The following KCNQ5 variants were observed in gnomAD, a reference collection of about 807,000 sequenced individuals.
KCNQ5 encodes potassium voltage-gated channel subfamily Q member 5.
A neutral mutation model predicts 98.2 loss-of-function variants in KCNQ5; 30 were observed. That is an observed-to-expected ratio of 0.31 (90% confidence interval 0.23 to 0.41). The LOEUF (loss-of-function observed/expected upper bound fraction) is 0.41. Ranked by LOEUF, KCNQ5 falls within the 10% of genes least tolerant of loss-of-function variation. The pLI is 1.00. For synonymous variants in KCNQ5, 458 were observed against 449.4 expected, an observed-to-expected ratio of 1.02 and a Z score of -0.24; for missense variants, 835 against 1,182.5, an observed-to-expected ratio of 0.71 and a Z score of 4.31.
intron 1 of KCNQ5, among the ~76,000 whole-genome samples, chr6:73,003,466 A>AT (rs1454238058): frequency 3.9e-5 from 6 of 152,172 alleles, no homozygotes; most frequent in Non-Finnish European, 7.3e-5. Context: ...GTAACAACCA[A>AT]TTAGGACACT....
intron 3 of KCNQ5, among the ~76,000 whole-genome samples, chr6:73,056,433 T>C (rs1383937899): frequency 6.6e-6 from 1 of 152,126 alleles, no homozygotes; most frequent in Non-Finnish European, 1.5e-5. Context: ...ATATAAATAA[T>C]ACAAAACAAT....
chr6:73,124,905 C>A (rs1402496044), intron 9 of KCNQ5, among the ~76,000 whole-genome samples: 1 of 142,506 alleles, frequency 7.0e-6, no homozygotes, highest in East Asian at 2.0e-4. Context: ...CTAGGATACA[C>A]TCCCCTTCAC....
At chr6:73,044,506 A>G (rs78714417) in intron 3 of KCNQ5, among the ~76,000 whole-genome samples, 11,117 of 152,240 alleles carry the variant, frequency 0.073, 532 homozygotes, top group Middle Eastern at 0.15. Context: ...TGTTTGACCC[A>G]TGGTCCAGCT....
intron 1 of KCNQ5, among the ~76,000 whole-genome samples, chr6:72,839,992 A>C (rs193256899): frequency 1.3e-5 from 2 of 152,294 alleles, no homozygotes; most frequent in Admixed American, 6.5e-5. Context: ...CCTTCGACCG[A>C]TATCTCTCTA....
chr6:73,064,026 A>C (rs934459879), intron 3 of KCNQ5, among the ~76,000 whole-genome samples: 2 of 152,180 alleles, frequency 1.3e-5, no homozygotes, highest in Non-Finnish European at 2.9e-5. Flanking sequence ...AGGTAATTCT[A>C]AATTTTCCCA....
In KCNQ5 at chr6:72,703,487, T is replaced by C. The variant is rs529396723; in HGVS notation, c.398+80900T>C. On this transcript the variant is annotated intron_variant, in intron 1 of 13. Coordinates refer to ENST00000370398, the MANE Select transcript of KCNQ5 (RefSeq NM_019842.4). The stretch of plus-strand genomic sequence containing the variant: ...TCCAGTAGTGTTAATTTCTGAGGGA[T>C]TGGAACAATGTCATAGTAATCCAAC... Among the ~76,000 whole-genome samples the C allele has an allele frequency of 6.2e-4, 94 of 152,336 alleles. No individual in the cohort carries two copies. In the Middle Eastern group the frequency reaches 0.01, roughly 17 times the overall value.
intron 1 of KCNQ5, among the ~76,000 whole-genome samples, chr6:72,640,342 A>G (rs1013738162): frequency 7.4e-6 from 1 of 135,692 alleles, no homozygotes; most frequent in African/African-American, 2.6e-5. Context: ...GGCAAAAAAA[A>G]AAAAAGTAAT....
rs982586304 is a variant in KCNQ5, at chr6:72,736,306, C to T, written c.398+113719C>T. 2.0e-5 allele frequency among the ~76,000 whole-genome samples: 3 copies of T among 151,866 alleles called. No individual in the cohort carries two copies. The South Asian group carries it at 6.2e-4, about 32-fold the overall frequency. On this transcript the variant is annotated intron_variant, in intron 1 of 13. Coordinates refer to ENST00000370398, the MANE Select transcript of KCNQ5 (RefSeq NM_019842.4). Reference sequence around the variant, plus strand: ...TATGTATGATATTAAAAAGTGGCAGCAATCTCAATGTCCGATAATAAGGGG... The same window carrying T: ...TATGTATGATATTAAAAAGTGGCAGTAATCTCAATGTCCGATAATAAGGGG...
chr6:72,793,933 G>A (rs960763258), intron 1 of KCNQ5, among the ~76,000 whole-genome samples: 8 of 152,174 alleles, frequency 5.3e-5, no homozygotes, highest in South Asian at 2.1e-4. Flanking sequence ...CTTGACATTC[G>A]GAGATCAGAG....
At chr6:72,807,147 A>G (rs1774997094) in intron 1 of KCNQ5, among the ~76,000 whole-genome samples, 1 of 152,142 alleles carries the variant, frequency 6.6e-6, no homozygotes, top group Non-Finnish European at 1.5e-5. Flanking sequence ...TAATCATTCA[A>G]GAGAATAATA....
At chr6:73,152,029 T>G (rs1777172178) in intron 10 of KCNQ5, among the ~76,000 whole-genome samples, 1 of 152,212 alleles carries the variant, frequency 6.6e-6, no homozygotes, top group South Asian at 2.1e-4. Context: ...TGACTCCTGT[T>G]GCGTCTCTCT....
chr6:72,779,303 A>C (rs1350522378), intron 1 of KCNQ5, among the ~76,000 whole-genome samples: 1 of 152,210 alleles, frequency 6.6e-6, no homozygotes, highest in Non-Finnish European at 1.5e-5. Flanking sequence ...GGGGGCTGGC[A>C]TTCAACAGTC....
intron 1 of KCNQ5, among the ~76,000 whole-genome samples, chr6:72,788,672 A>G (rs1773879583): frequency 6.6e-6 from 1 of 152,240 alleles, no homozygotes; most frequent in South Asian, 2.1e-4. Flanking sequence ...CTATAATTCT[A>G]TATTAACCTT....
chr6:72,804,965 T>C (rs187994915), intron 1 of KCNQ5, among the ~76,000 whole-genome samples: 2 of 152,290 alleles, frequency 1.3e-5, no homozygotes, highest in Admixed American at 1.3e-4. Context: ...GTATGTCTTC[T>C]TTTGAGAAAT....
chr6:73,092,813 T>G (rs1774311238), intron 5 of KCNQ5, among the ~76,000 whole-genome samples: 1 of 152,176 alleles, frequency 6.6e-6, no homozygotes, highest in South Asian at 2.1e-4. Context: ...TTCGGTTAGC[T>G]AGTATTTTGT....
At chr6:73,167,389 T>G (rs1582476835) in intron 10 of KCNQ5, among the ~76,000 whole-genome samples, 1 of 152,340 alleles carries the variant, frequency 6.6e-6, no homozygotes, top group East Asian at 1.9e-4. Flanking sequence ...GTTCTGATAC[T>G]GCGTAATGCA....
chr6:73,091,726 G>GTTT (rs755831768), intron 5 of KCNQ5, among the ~76,000 whole-genome samples: 132,972 of 148,688 alleles, frequency 0.89, 58,860 homozygotes, highest in South Asian at 0.96. Context: ...GTTTGTTTTT[G>GTTT]TTGTTGTTGT....
At chr6:72,848,779 G>A (rs1425802626) in intron 1 of KCNQ5, among the ~76,000 whole-genome samples, 1 of 152,116 alleles carries the variant, frequency 6.6e-6, no homozygotes, top group African/African-American at 2.4e-5. Flanking sequence ...GAGTTCTCAC[G>A]AGATCTAATG....
intron 2 of KCNQ5, among the ~76,000 whole-genome samples, chr6:73,028,700 T>A (rs1366984334): frequency 6.6e-6 from 1 of 152,248 alleles, no homozygotes; most frequent in Non-Finnish European, 1.5e-5. Context: ...CAGTTATTTT[T>A]GCCCAGAGCT....
Sources: gnomAD v4.1 joint callset for allele counts (sites outside exome capture counted in the v4.1 genomes callset) on GRCh38, gnomAD v4.1.1 for gene constraint, MANE v1.5 for transcripts, NCBI Gene and HGNC (gene_info 2026-07-23, HGNC 2026-07-21) for gene names.